The following ENHO variants were observed in gnomAD, a reference collection of about 807,000 sequenced individuals.
The protein encoded by ENHO is energy homeostasis associated, also known as adropin.
Under a neutral mutation model 4.1 loss-of-function variants are expected in ENHO, and 5 were observed. The ratio of observed to expected loss-of-function variants is 1.23; its 90% CI spans 0.64 to 2.58. The LOEUF (loss-of-function observed/expected upper bound fraction) is 2.58, where lower values mean the gene tolerates loss of function less well. Ranked by LOEUF, ENHO falls within the 30% of genes most tolerant of loss-of-function variation. The probability of loss-of-function intolerance (pLI) is 0.01; values close to 1 mark genes in which losing one functional copy is unlikely to be tolerated. For synonymous variants in ENHO, 45 were observed against 42.9 expected (o/e 1.05, Z -0.19); for missense variants, 86 against 97.7 (o/e 0.88, Z 0.51).
rs1483522806 is a variant in ENHO at position 34,521,130 on chromosome 9, G to T, written c.*335C>A. On this transcript the variant is annotated 3_prime_UTR_variant, in exon 2 of 2. Coordinates refer to ENST00000399775, the MANE Select transcript of ENHO (RefSeq NM_198573.3). The stretch of plus-strand genomic sequence containing the variant: ...TGGACACCCTCCTATTATTGCCATG[G>T]GTTCCAGTTTGCTTCCCCAGCCTAG... 2 of 519,792 alleles carry T rather than the reference G, an allele frequency of 3.8e-6. No individual in the cohort carries two copies. The highest frequency in any genetic ancestry group is 7.0e-5 in the East Asian group (2 of 28,416). The allele number at this position is 519,792 out of a possible 1,614,324, so 32.2% of individuals were successfully genotyped here. A position where few individuals can be genotyped will look rare whatever the true frequency, so the allele number is the denominator to read the frequency against.
chr9:34,521,964 C>T (rs1207457485), intron 1 of ENHO, 108 bp from the exon 2 acceptor site: 19 of 507,152 alleles, frequency 3.7e-5, no homozygotes, highest in Middle Eastern at 1.0e-3. Flanking sequence ...TTCTGGCCTC[C>T]CTGGTGAAAG....
Position 34,521,675 on chromosome 9 carries a change from CT to C in ENHO, c.20del (p.Gln7ArgfsTer82). 1 of 1,613,800 alleles carries C rather than the reference CT, an allele frequency of 6.2e-7. No homozygotes were observed. Among genetic ancestry groups the C allele is most frequent in the African/African-American group, 1.3e-5 (1 of 75,044 alleles). On this transcript the variant is annotated frameshift_variant, in exon 2 of 2. Transcript: ENST00000399775. LOFTEE classifies it high-confidence loss of function. MGAAISQGALIAIVCNG... is the reference protein window; with the variant it reads MGAAISXGALIAIVCNG... ...TGCAGACGATGGCGATGAGGGCCCC[CT>C]GGGAGATGGCTGCCCCCATGACAGG...
In ENHO at chr9:34,522,467, CTG is replaced by C. The variant is rs1825293867; in HGVS notation, c.-162+308_-162+309del. The C allele has an allele frequency of 6.5e-6, 1 of 153,212 alleles. No homozygotes were observed. Among genetic ancestry groups the C allele is most frequent in the Non-Finnish European group, 1.5e-5 (1 of 68,644 alleles). The allele number at this position is 153,212 out of a possible 1,614,324, so 9.5% of individuals were successfully genotyped here. A position where few individuals can be genotyped will look rare whatever the true frequency, so the allele number is the denominator to read the frequency against. On this transcript the variant is annotated intron_variant, in intron 1 of 1. Coordinates refer to ENST00000399775, the MANE Select transcript of ENHO (RefSeq NM_198573.3). This position sits in a 1 kb window ranked among gnomAD's most constrained non-coding sequence, Gnocchi z 4.2. The stretch of plus-strand genomic sequence containing the variant: ...TGCCTGTGCCTCTGCACACCCACCT[CTG>C]TGTGTGTGGCTGCCTCTCCGTGTGT...
At chr9:34,521,956 CTG>C (rs1187630421) in intron 1 of ENHO, 100 bp from the exon 2 acceptor site, 7 of 517,626 alleles carry the variant, frequency 1.4e-5, no homozygotes, top group Non-Finnish European at 2.1e-5. Context: ...TCCCACATTT[CTG>C]GCCTCCCTGG....
chr9:34,522,547 CTG>C lies in ENHO; in HGVS notation c.-162+228_-162+229del, dbSNP rs745807937. ...GTCTCATTTCTCTACCAGTGTGTCT[CTG>C]TGTATCTCTGCATCAGTCTCTGTGT... is the stretch of plus-strand genomic sequence containing the variant. On this transcript the variant is annotated intron_variant, in intron 1 of 1. Transcript: ENST00000399775. The surrounding 1 kb of genome is among the most constrained non-coding windows in gnomAD (Gnocchi z 4.2). Among the ~76,000 whole-genome samples the C allele has an allele frequency of 2.0e-5, 3 of 152,154 alleles. No individual in the cohort carries two copies. In the East Asian group the frequency reaches 5.8e-4, roughly 29 times the overall value.
In ENHO at chr9:34,522,551, G is replaced by GT. The variant is rs1482542388; in HGVS notation, c.-162+225dup. Among the ~76,000 whole-genome samples, 5 of 152,046 alleles carry GT rather than the reference G, an allele frequency of 3.3e-5. No homozygotes were observed. The highest frequency in any genetic ancestry group is 5.9e-5 in the Non-Finnish European group (4 of 68,012). On this transcript the variant is annotated intron_variant, in intron 1 of 1. Coordinates refer to ENST00000399775, the MANE Select transcript of ENHO (RefSeq NM_198573.3). The surrounding 1 kb of genome is among the most constrained non-coding windows in gnomAD (Gnocchi z 4.2). ...CATTTCTCTACCAGTGTGTCTCTGT[G>GT]TATCTCTGCATCAGTCTCTGTGTCT...
rs1273110587 is a variant in ENHO, at chr9:34,521,565, A to G, written c.131T>C (p.Leu44Pro). ...CHSRSADVDS[L>P]SESSPNSSPG... ...GCTGGAGTTGGGACTGGATTCAGAG[A>G]GAGAGTCAACGTCGGCAGAGCGAGA... The change falls in exon 2 of 2, where the codon CTC becomes CCC. Residue 44 changes from leucine to proline, a missense_variant. Leu to Pro is a moderately conservative substitution (Grantham distance 98). Transcript: ENST00000399775. The G allele has an allele frequency of 6.2e-7, 1 of 1,613,920 alleles. No individual in the cohort carries two copies. Among genetic ancestry groups the G allele is most frequent in the South Asian group, 1.1e-5 (1 of 91,092 alleles).
Position 34,521,445 on chromosome 9 carries a change from C to G in ENHO, c.*20G>C. 1 of 1,604,198 alleles carries G rather than the reference C, an allele frequency of 6.2e-7. No individual in the cohort carries two copies. The highest frequency in any genetic ancestry group is 1.3e-5 in the African/African-American group (1 of 74,802). On this transcript the variant is annotated 3_prime_UTR_variant, in exon 2 of 2. Coordinates refer to ENST00000399775, the MANE Select transcript of ENHO (RefSeq NM_198573.3). ...GTGAGGTGGACTTAGGTCCTGGGCTCCAGGCTAGGCCAGGGGCCTTCAGGG... is the reference window on the plus strand; with the variant it reads ...GTGAGGTGGACTTAGGTCCTGGGCTGCAGGCTAGGCCAGGGGCCTTCAGGG...
rs1398035438 is a variant in ENHO at position 34,521,551 on chromosome 9, G to C, written c.145C>G (p.Pro49Ala). Residue 49 changes from proline to alanine, a missense_variant, in exon 2 of 2, where the codon CCC becomes GCC. Pro to Ala is a conservative substitution (Grantham distance 27). Transcript: ENST00000399775. Reference sequence around the variant, plus strand: ...GGACAGGGGCCAGGGCTGGAGTTGGGACTGGATTCAGAGAGAGAGTCAACG... The same window carrying C: ...GGACAGGGGCCAGGGCTGGAGTTGGCACTGGATTCAGAGAGAGAGTCAACG... ...ADVDSLSESS[P>A]NSSPGPCPEK... The C allele has an allele frequency of 1.8e-5, 29 of 1,614,016 alleles. No individual in the cohort carries two copies. The highest frequency in any genetic ancestry group is 1.6e-4 in the Middle Eastern group (1 of 6,062).
Position 34,521,212 on chromosome 9 carries a change from C to A in ENHO, c.*253G>T, listed in dbSNP as rs570484051. 2.6e-5 allele frequency: 16 copies of A among 617,062 alleles called. No homozygotes were observed. The highest frequency in any genetic ancestry group is 1.8e-4 in the Admixed American group (7 of 39,658). The allele number at this position is 617,062 out of a possible 1,614,324, so 38.2% of individuals were successfully genotyped here. ...GTGGACCCGGCCCCTGACCCTTGGCCCTTGGGATGGAGCATAGTCCAGATG... is the reference window on the plus strand; with the variant it reads ...GTGGACCCGGCCCCTGACCCTTGGCACTTGGGATGGAGCATAGTCCAGATG... On this transcript the variant is annotated 3_prime_UTR_variant, in exon 2 of 2. Transcript: ENST00000399775.
At position 34,522,682 on chromosome 9, in the gene ENHO, GTC is replaced by G. The variant is rs1825297088; in HGVS notation, c.-162+93_-162+94del. On this transcript the variant is annotated intron_variant, in intron 1 of 1. Transcript: ENST00000399775. The surrounding 1 kb of genome is among the most constrained non-coding windows in gnomAD (Gnocchi z 4.2). ...TTCCTGTGTCTCTGTCTTTGTGTTC[GTC>G]TCTCTCCGCGGCAGTGTGTCTCTGT... 1 of 152,720 alleles carries G rather than the reference GTC, an allele frequency of 6.5e-6. No individual in the cohort carries two copies. Among genetic ancestry groups the G allele is most frequent in the African/African-American group, 2.4e-5 (1 of 41,368 alleles). 9.5% of individuals were successfully genotyped at this position (152,720 alleles called of 1,614,324 possible). A position where few individuals can be genotyped will look rare whatever the true frequency, so the allele number is the denominator to read the frequency against.
Position 34,521,510 on chromosome 9 carries a change from T to C in ENHO, c.186A>G (p.Pro62=). 1 of 1,613,104 alleles carries C rather than the reference T, an allele frequency of 6.2e-7. No individual in the cohort carries two copies. The highest frequency in any genetic ancestry group is 1.1e-5 in the South Asian group (1 of 91,046). The part of the protein sequence containing the change: ...SPGPCPEKAP[P]PQKPSHEGSY... ...TGCCTTCATGGCTGGGCTTCTGGGG[T>C]GGTGGGGCCTTCTCAGGACAGGGGC... is the stretch of plus-strand genomic sequence containing the variant. Residue 62 remains proline, a synonymous_variant, in exon 2 of 2, where the codon CCA becomes CCG. Transcript: ENST00000399775.
chr9:34,521,447 A>G lies in ENHO; in HGVS notation c.*18T>C. On this transcript the variant is annotated 3_prime_UTR_variant, in exon 2 of 2. Transcript: ENST00000399775. ...GAGGTGGACTTAGGTCCTGGGCTCC[A>G]GGCTAGGCCAGGGGCCTTCAGGGCT... The G allele has an allele frequency of 6.2e-7, 1 of 1,602,512 alleles. No homozygotes were observed. The highest frequency in any genetic ancestry group is 8.5e-7 in the Non-Finnish European group (1 of 1,172,818).
chr9:34,522,614 T>G lies in ENHO; in HGVS notation c.-162+163A>C, dbSNP rs1421388891. Among the ~76,000 whole-genome samples, 3 of 152,174 alleles carry G rather than the reference T, an allele frequency of 2.0e-5. No homozygotes were observed. The highest frequency in any genetic ancestry group is 4.4e-5 in the Non-Finnish European group (3 of 68,022). On this transcript the variant is annotated intron_variant, in intron 1 of 1. Transcript: ENST00000399775. The surrounding 1 kb of genome is among the most constrained non-coding windows in gnomAD (Gnocchi z 4.2). Reference sequence around the variant, plus strand: ...CAGGCTGTATCCCCCTCTGTTCCCATGGACGTGTCCCTATCCCCTTCTCCG... The same window carrying G: ...CAGGCTGTATCCCCCTCTGTTCCCAGGGACGTGTCCCTATCCCCTTCTCCG...
At position 34,521,734 on chromosome 9, in the gene ENHO, T is replaced by C; in HGVS notation, c.-39A>G. On this transcript the variant is annotated 5_prime_UTR_variant, in exon 2 of 2. Coordinates refer to ENST00000399775, the MANE Select transcript of ENHO (RefSeq NM_198573.3). ...CTCAGACCAGCACAGACAGTGGAGC[T>C]GCCTCAATGGTGAGGCCCATGCCGA... 1 of 1,568,930 alleles carries C rather than the reference T, an allele frequency of 6.4e-7. No individual in the cohort carries two copies. Among genetic ancestry groups the C allele is most frequent in the Non-Finnish European group, 8.7e-7 (1 of 1,146,854 alleles).
In ENHO at chr9:34,521,592, T is replaced by G; in HGVS notation, c.104A>C (p.His35Pro). The part of the protein sequence containing the change: ...LLWVILCWAC[H>P]SRSADVDSLS... ...AGAGTCAACGTCGGCAGAGCGAGAA[T>G]GGCAGGCCCAGCAGAGGATGACCCA... Residue 35 changes from histidine (H) to proline (P), a missense_variant, in exon 2 of 2, where the codon CAT becomes CCT. By Grantham distance (77) the His-to-Pro change is moderately conservative. Transcript: ENST00000399775. 3.1e-6 allele frequency: 5 copies of G among 1,613,906 alleles called. No homozygotes were observed. In the South Asian group the frequency reaches 5.5e-5, roughly 18 times the overall value.
Position 34,521,646 on chromosome 9 carries a change from C to T in ENHO, c.50G>A (p.Gly17Asp). The T allele has an allele frequency of 6.2e-7, 1 of 1,614,034 alleles. No individual in the cohort carries two copies. Among genetic ancestry groups the T allele is most frequent in the Non-Finnish European group, 8.5e-7 (1 of 1,180,032 alleles). ...CAGCAGCAGCAAGAAGCCCACGAGA[C>T]CGTTGCAGACGATGGCGATGAGGGC... The part of the protein sequence containing the change: ...QGALIAIVCN[G>D]LVGFLLLLLW... Residue 17 changes from glycine to aspartate, a missense_variant, in exon 2 of 2, where the codon GGT becomes GAT. Coordinates refer to ENST00000399775, the MANE Select transcript of ENHO (RefSeq NM_198573.3).
In ENHO at chr9:34,522,859, G is replaced by A. The variant is rs1825299686; in HGVS notation, c.-244C>T. The A allele has an allele frequency of 6.6e-6, 1 of 152,240 alleles. No individual in the cohort carries two copies. Among genetic ancestry groups the A allele is most frequent in the South Asian group, 2.1e-4 (1 of 4,826 alleles). 9.4% of individuals were successfully genotyped at this position (152,240 alleles called of 1,614,324 possible). On this transcript the variant is annotated 5_prime_UTR_variant, in exon 1 of 2. Transcript: ENST00000399775. This position sits in a 1 kb window ranked among gnomAD's most constrained non-coding sequence, Gnocchi z 4.2. ...CCGACTAAGGCTTGGGAGCCTGCGG[G>A]CGGGGGGCGGCGGGAGGTGGGAGAC...
Position 34,521,779 on chromosome 9 carries a change from C to A in ENHO, c.-84G>T. On this transcript the variant is annotated 5_prime_UTR_variant, in exon 2 of 2. Coordinates refer to ENST00000399775, the MANE Select transcript of ENHO (RefSeq NM_198573.3). ...TGCCGAGGCAGGACTCTGGTATGGC[C>A]GGCCTTCAGAGGAGGCTGTGCTGTC... The A allele has an allele frequency of 7.9e-7, 1 of 1,272,816 alleles. No homozygotes were observed. 78.8% of individuals were successfully genotyped at this position (1,272,816 alleles called of 1,614,324 possible). A position where few individuals can be genotyped will look rare whatever the true frequency, so the allele number is the denominator to read the frequency against.
Sources: allele counts gnomAD v4.1 joint callset (sites outside exome capture counted in the v4.1 genomes callset), GRCh38; gene constraint gnomAD v4.1.1; non-coding constraint Gnocchi (gnomAD v3.1); transcripts MANE v1.5; gene names NCBI Gene and HGNC (gene_info 2026-07-23, HGNC 2026-07-21).